Variants in GCNT2 observed in about 807,000 individuals in gnomAD.
GCNT2 encodes the protein N-acetyllactosaminide beta-1,6-N-acetylglucosaminyl-transferase.
In GCNT2, 34 loss-of-function variants were observed where a neutral mutation model predicts 34.2. The ratio of observed to expected loss-of-function variants is 1.00; its 90% CI spans 0.76 to 1.32. The LOEUF is 1.32. GCNT2 is among the 40% of genes most tolerant of loss of function. The probability of loss-of-function intolerance (pLI) is 0.00; values close to 1 mark genes in which losing one functional copy is unlikely to be tolerated. For missense variants in GCNT2, 584 were observed against 489.4 expected, an observed-to-expected ratio of 1.19 and a Z score of -1.82; for synonymous variants, 212 against 188.0, an observed-to-expected ratio of 1.13 and a Z score of -1.04.
chr6:10,623,860 A>G (rs1249071974), intron 4 of GCNT2, among the ~76,000 whole-genome samples: 1 of 152,124 alleles, frequency 6.6e-6, no homozygotes, highest in African/African-American at 2.4e-5. Flanking sequence ...TTTTCCTTCT[A>G]TGAGCTTCCT....
intron 3 of GCNT2, among the ~76,000 whole-genome samples, chr6:10,616,647 C>A (rs1298886906): frequency 1.3e-5 from 2 of 152,128 alleles, no homozygotes; most frequent in African/African-American, 4.8e-5. Context: ...TCCAAGTCCT[C>A]ACCAGAGTAA....
At chr6:10,551,951 G>A (rs1380391138) in intron 3 of GCNT2, among the ~76,000 whole-genome samples, 1 of 151,458 alleles carries the variant, frequency 6.6e-6, no homozygotes, top group African/African-American at 2.4e-5. Flanking sequence ...AGAGATGGGG[G>A]TTCCACCATG....
At chr6:10,592,729 ATTTG>A (rs528366032) in intron 3 of GCNT2, among the ~76,000 whole-genome samples, 64 of 152,104 alleles carry the variant, frequency 4.2e-4, no homozygotes, top group African/African-American at 1.1e-3. Context: ...TTTTATTTTT[ATTTG>A]TTTGTTTGTT....
chr6:10,549,589 T>TTTTTTA (rs1762404616), intron 3 of GCNT2, among the ~76,000 whole-genome samples: 1 of 108,508 alleles, frequency 9.2e-6, no homozygotes, highest in African/African-American at 4.2e-5. Flanking sequence ...TTTTTTTTTT[T>TTTTTTA]GAGACAGGGT....
rs769827405 is a variant in GCNT2 at position 10,621,407 on chromosome 6, T to C, written c.982T>C (p.Trp328Arg). 6.2e-7 allele frequency: 1 copy of C among 1,613,534 alleles called. No individual in the cohort carries two copies. The highest frequency in any genetic ancestry group is 1.1e-5 in the South Asian group (1 of 91,044). Residue 328 changes from tryptophan to arginine, a missense_variant, in exon 4 of 5, where the codon TGG (tryptophan) becomes CGG (arginine). Trp to Arg is a moderately radical substitution (Grantham distance 101). Coordinates refer to ENST00000495262, the MANE Select transcript of GCNT2 (RefSeq NM_145649.5). ...SWTGNLRAIK[W>R]SDMEDRHGGC... ...GACTGGAAACCTCAGAGCTATAAAG[T>C]GGAGTGACATGGAAGACAGACACGG...
rs192035842 is a variant in GCNT2 at position 10,548,142 on chromosome 6, T to C, written c.925+18306T>C. ...TGGGAAGCTGAAACAGGAGGATCAC[T>C]TGAGCCTAGGAGTTTGAGGCTGCAG... On this transcript the variant is annotated intron_variant, in intron 3 of 4. Transcript: ENST00000495262. Among the ~76,000 whole-genome samples the C allele has an allele frequency of 3.6e-3, 556 of 152,336 alleles. 2 individuals carry two copies. Among genetic ancestry groups the C allele is most frequent in the Non-Finnish European group, 6.6e-3 (448 of 68,032 alleles).
At chr6:10,597,618 T>C (rs1456965800) in intron 3 of GCNT2, among the ~76,000 whole-genome samples, 1 of 151,776 alleles carries the variant, frequency 6.6e-6, no homozygotes, top group Non-Finnish European at 1.5e-5. Flanking sequence ...GGGTTTTTGT[T>C]GTTGTTGTTG....
chr6:10,544,978 A>AAATG (rs199953805), intron 3 of GCNT2, among the ~76,000 whole-genome samples: 1 of 151,468 alleles, frequency 6.6e-6, no homozygotes, highest in Admixed American at 6.6e-5. Flanking sequence ...ATAAATAAAT[A>AAATG]AATGAGGTGG....
chr6:10,550,331 C>A (rs111370454), intron 3 of GCNT2, among the ~76,000 whole-genome samples: 2,073 of 151,154 alleles, frequency 0.014, 53 homozygotes, highest in African/African-American at 0.045. Context: ...CCACTGAGTC[C>A]GGCCTAACAT....
rs1452458941 is a variant in GCNT2 at position 10,529,657 on chromosome 6, A to C, written c.746A>C (p.Lys249Thr). The stretch of plus-strand genomic sequence containing the variant: ...AATTCCTACGTGATTAAAACAACAA[A>C]ATTAAAAACTCCTCCTCCTCATGAC... ...HKNSYVIKTT[K>T]LKTPPPHDMV... Residue 249 changes from lysine (K) to threonine (T), a missense_variant, in exon 3 of 5, where the codon AAA becomes ACA. Transcript: ENST00000495262. The C allele has an allele frequency of 6.2e-7, 1 of 1,613,982 alleles. No homozygotes were observed.
chr6:10,621,699 G>C, intron 4 of GCNT2: 1 of 436,142 alleles, frequency 2.3e-6, no homozygotes. Context: ...TTTTCTTCCT[G>C]CTAGTTTTCA....
At chr6:10,578,350 C>T (rs1240239885) in intron 3 of GCNT2, among the ~76,000 whole-genome samples, 1 of 149,716 alleles carries the variant, frequency 6.7e-6, no homozygotes, top group Non-Finnish European at 1.5e-5. Context: ...CACTGCACTC[C>T]AGCCCCTGGG....
intron 3 of GCNT2, among the ~76,000 whole-genome samples, chr6:10,594,738 A>G (rs1764780861): frequency 6.6e-6 from 1 of 152,248 alleles, no homozygotes; most frequent in Non-Finnish European, 1.5e-5. Context: ...CTCACTATAG[A>G]AGGATGTCTA....
At chr6:10,573,192 C>G in intron 3 of GCNT2, 1 of 982,824 alleles carries the variant, frequency 1.0e-6, no homozygotes, top group Non-Finnish European at 1.2e-6. Context: ...GCTGGATTGT[C>G]AAATAGTGTC....
intron 3 of GCNT2, among the ~76,000 whole-genome samples, chr6:10,563,769 AAAAAAAAAATATATATAT>A (rs1489776488): frequency 8.6e-5 from 6 of 70,162 alleles, no homozygotes; most frequent in African/African-American, 3.6e-4. Context: ...AAAAAAAAAA[AAAAAAAAAATATATATAT>A]ATATATATAT....
intron 3 of GCNT2, among the ~76,000 whole-genome samples, chr6:10,535,073 A>G (rs777595509): frequency 7.9e-5 from 12 of 152,028 alleles, no homozygotes; most frequent in Non-Finnish European, 1.8e-4. Context: ...AACCCCAGCT[A>G]CTCAGGAGGC....
At chr6:10,544,510 C>T (rs1762178807) in intron 3 of GCNT2, among the ~76,000 whole-genome samples, 1 of 138,582 alleles carries the variant, frequency 7.2e-6, no homozygotes, top group East Asian at 2.2e-4. Flanking sequence ...GAGGCTGAGG[C>T]AGAGAATTGC....
chr6:10,530,035 C>A (rs1227526735), intron 3 of GCNT2, 199 bp downstream of exon 3: 1 of 567,416 alleles, frequency 1.8e-6, no homozygotes, highest in Non-Finnish European at 3.1e-6. Context: ...GCTCTGTTCA[C>A]AGGACAAAAG....
intron 3 of GCNT2, among the ~76,000 whole-genome samples, chr6:10,605,453 A>C (rs1336825742): frequency 6.6e-6 from 1 of 150,882 alleles, no homozygotes; most frequent in Non-Finnish European, 1.5e-5. Flanking sequence ...CAGGCGATTC[A>C]TCTGCCTTGG....
Sources: allele counts gnomAD v4.1 joint callset (sites outside exome capture counted in the v4.1 genomes callset), GRCh38; gene constraint gnomAD v4.1.1; transcripts MANE v1.5; gene names NCBI Gene and HGNC (gene_info 2026-07-23, HGNC 2026-07-21).